The following GALNT17 variants were observed in gnomAD, a reference collection of about 807,000 sequenced individuals.
The protein encoded by GALNT17 is UDP-GalNAc:polypeptide N-acetylgalactosaminyltransferase-like 3.
Under a neutral mutation model 63.7 loss-of-function variants are expected in GALNT17, and 29 were observed. The observed-to-expected ratio is 0.46, with a 90% confidence interval of 0.34 to 0.62. The LOEUF is 0.62. GALNT17 is among the 20% of genes least tolerant of loss of function. The pLI, the probability that GALNT17 is intolerant of heterozygous loss-of-function variation, is 0.01. For synonymous variants in GALNT17, 305 were observed against 318.3 expected, an observed-to-expected ratio of 0.96 and a Z score of 0.45; for missense variants, 603 against 799.6, an observed-to-expected ratio of 0.75 and a Z score of 2.97.
chr7:71,388,288 T>G lies in GALNT17; in HGVS notation c.476T>G (p.Ile159Ser). 1 of 1,614,030 alleles carries G rather than the reference T, an allele frequency of 6.2e-7. No homozygotes were observed. The highest frequency in any genetic ancestry group is 8.5e-7 in the Non-Finnish European group (1 of 1,180,008). The change falls in exon 3 of 11, where the codon ATC becomes AGC. Residue 159 changes from isoleucine (I) to serine (S), a missense_variant. Physicochemically the swap from Ile to Ser is moderately radical, Grantham distance 142. Coordinates refer to ENST00000333538, the MANE Select transcript of GALNT17 (RefSeq NM_022479.3). Reference sequence around the variant, plus strand: ...CTGCCCCAGATATCCATCATATTCATCTTCGTGAACGAGGCCCTGTCGGTG... The same window carrying G: ...CTGCCCCAGATATCCATCATATTCAGCTTCGTGAACGAGGCCCTGTCGGTG... ...KDLPQISIIF[I>S]FVNEALSVIL...
At chr7:71,513,637 C>T (rs917942178) in intron 5 of GALNT17, among the ~76,000 whole-genome samples, 5 of 152,038 alleles carry the variant, frequency 3.3e-5, no homozygotes, top group African/African-American at 4.8e-5. Flanking sequence ...TCGCCCACTT[C>T]GGCCTCCCAA....
chr7:71,398,924 T>G (rs1448688056), intron 3 of GALNT17, among the ~76,000 whole-genome samples: 1 of 152,166 alleles, frequency 6.6e-6, no homozygotes, highest in Admixed American at 6.5e-5. Flanking sequence ...GTGATTTGTG[T>G]GGGCTGAAAC....
intron 1 of GALNT17, among the ~76,000 whole-genome samples, chr7:71,249,083 TAAC>T (rs1189510023): frequency 1.3e-5 from 2 of 152,082 alleles, no homozygotes; most frequent in Non-Finnish European, 2.9e-5. Flanking sequence ...AAGAAGAAAA[TAAC>T]AAAAAGTAGA....
intron 5 of GALNT17, among the ~76,000 whole-genome samples, chr7:71,514,147 A>G (rs1429071211): frequency 1.3e-5 from 2 of 152,142 alleles, no homozygotes; most frequent in African/African-American, 2.4e-5. Flanking sequence ...GTGAGCTATG[A>G]TCATGCTACC....
chr7:71,690,737 T>C (rs2117093609), intron 9 of GALNT17, among the ~76,000 whole-genome samples: 1 of 152,258 alleles, frequency 6.6e-6, no homozygotes, highest in Non-Finnish European at 1.5e-5. Context: ...TGGATGACTT[T>C]GAGGGTTTCA....
intron 6 of GALNT17, among the ~76,000 whole-genome samples, chr7:71,579,536 ACCT>A (rs1789599467): frequency 6.6e-6 from 1 of 152,218 alleles, no homozygotes; most frequent in Non-Finnish European, 1.5e-5. Flanking sequence ...GTTGGGAGGA[ACCT>A]TCTTACGGAA....
At chr7:71,538,482 G>A (rs547388810) in intron 5 of GALNT17, among the ~76,000 whole-genome samples, 1 of 152,282 alleles carries the variant, frequency 6.6e-6, no homozygotes, top group South Asian at 2.1e-4. Flanking sequence ...AGATTACAGA[G>A]CAAAGTGCAC....
intron 1 of GALNT17, among the ~76,000 whole-genome samples, chr7:71,245,851 T>TTTTTTTTTTTTTTTTTTTTTTTG (rs1790084558): frequency 6.7e-6 from 1 of 150,354 alleles, no homozygotes; most frequent in Non-Finnish European, 1.5e-5. Context: ...AGAGCAGGTT[T>TTTTTTTTTTTTTTTTTTTTTTTG]TTTTTTTTTT....
chr7:71,137,202 C>T (rs1455227799), intron 1 of GALNT17, among the ~76,000 whole-genome samples: 2 of 149,014 alleles, frequency 1.3e-5, no homozygotes, highest in Non-Finnish European at 3.0e-5. Flanking sequence ...CGCAGTGGCG[C>T]GATCTCGGCT....
At chr7:71,306,991 T>C (rs1018672946) in intron 1 of GALNT17, among the ~76,000 whole-genome samples, 4 of 152,006 alleles carry the variant, frequency 2.6e-5, no homozygotes, top group African/African-American at 9.7e-5. Context: ...ACCTGGCTAA[T>C]TTTTGTATTT....
chr7:71,301,191 G>A (rs1429534615), intron 1 of GALNT17, among the ~76,000 whole-genome samples: 1 of 151,820 alleles, frequency 6.6e-6, no homozygotes, highest in Non-Finnish European at 1.5e-5. Flanking sequence ...GGAGGCTGAG[G>A]TGGGAGGATC....
intron 5 of GALNT17, among the ~76,000 whole-genome samples, chr7:71,478,394 G>T (rs776242381): frequency 9.2e-5 from 14 of 152,018 alleles, no homozygotes; most frequent in Non-Finnish European, 1.3e-4. Flanking sequence ...GCTCACTGCA[G>T]CCTGGAACTC....
At chr7:71,361,274 A>AAAAT (rs1204407311) in intron 2 of GALNT17, among the ~76,000 whole-genome samples, 1 of 152,162 alleles carries the variant, frequency 6.6e-6, no homozygotes, top group Non-Finnish European at 1.5e-5. Flanking sequence ...AAATAAATAA[A>AAAAT]AAATAAAAAA....
At chr7:71,352,319 T>C (rs1377963534) in intron 2 of GALNT17, among the ~76,000 whole-genome samples, 1 of 152,180 alleles carries the variant, frequency 6.6e-6, no homozygotes, top group African/African-American at 2.4e-5. Context: ...TTTTACTTTA[T>C]AAATTACTCA....
chr7:71,276,699 T>A (rs1004515825), intron 1 of GALNT17, among the ~76,000 whole-genome samples: 22 of 152,134 alleles, frequency 1.4e-4, no homozygotes, highest in Admixed American at 6.5e-5. Flanking sequence ...TCTCTTTTCT[T>A]TATAAATTAC....
intron 2 of GALNT17, among the ~76,000 whole-genome samples, chr7:71,354,682 C>T (rs192137440): frequency 7.9e-5 from 12 of 152,220 alleles, no homozygotes; most frequent in African/African-American, 2.9e-4. Context: ...TTCTCTCTCT[C>T]TCTGCTTTCC....
At chr7:71,592,496 A>AAAAATAAAATAAAATAAATAAAAT (rs1789817118) in intron 6 of GALNT17, among the ~76,000 whole-genome samples, 1 of 90,966 alleles carries the variant, frequency 1.1e-5, no homozygotes, top group African/African-American at 4.3e-5. Flanking sequence ...ACTCCATTTC[A>AAAAATAAAATAAAATAAATAAAAT]AAAATAAAAT....
chr7:71,592,828 A>C (rs954679288), intron 6 of GALNT17, among the ~76,000 whole-genome samples: 3 of 152,166 alleles, frequency 2.0e-5, no homozygotes, highest in Non-Finnish European at 4.4e-5. Flanking sequence ...GCCAGTGACC[A>C]TCATTATTGT....
At chr7:71,703,362 C>T (rs1007083501) in intron 9 of GALNT17, among the ~76,000 whole-genome samples, 6 of 152,110 alleles carry the variant, frequency 3.9e-5, no homozygotes, top group Non-Finnish European at 5.9e-5. Flanking sequence ...CAGGAGCAGG[C>T]ACATCAATGG....
Sources: allele counts gnomAD v4.1 joint callset (sites outside exome capture counted in the v4.1 genomes callset), GRCh38; gene constraint gnomAD v4.1.1; transcripts MANE v1.5; gene names NCBI Gene and HGNC (gene_info 2026-07-23, HGNC 2026-07-21).